RALYL: variants seen among roughly 807,000 people sequenced by gnomAD.
The protein encoded by RALYL is RALY RNA binding protein like.
Under a neutral mutation model 35.1 loss-of-function variants are expected in RALYL, and 29 were observed. The ratio of observed to expected loss-of-function variants is 0.83; its 90% confidence interval spans 0.61 to 1.13. RALYL has a LOEUF of 1.13. Among genes scored for constraint, RALYL ranks in the 50% most tolerant of loss-of-function variants. The pLI, the probability that RALYL is intolerant of heterozygous loss-of-function variation, is 0.00. For synonymous variants in RALYL, 120 were observed against 127.6 expected (o/e 0.94, Z 0.40); for missense variants, 359 against 360.4 (o/e 1.00, Z 0.03).
chr8:84,501,955 G>C (rs1587821525), intron 1 of RALYL, among the ~76,000 whole-genome samples: 2 of 151,572 alleles, frequency 1.3e-5, no homozygotes, highest in Admixed American at 6.6e-5. Context: ...TTAGACCATT[G>C]AAAATATAGT....
At chr8:84,863,663 A>T (rs1297078564) in intron 6 of RALYL, among the ~76,000 whole-genome samples, 3 of 152,194 alleles carry the variant, frequency 2.0e-5, no homozygotes, top group Non-Finnish European at 4.4e-5. Flanking sequence ...CTATACTGAG[A>T]TAGAATCACT....
chr8:84,727,192 G>A (rs1845124026), intron 2 of RALYL, among the ~76,000 whole-genome samples: 1 of 151,928 alleles, frequency 6.6e-6, no homozygotes, highest in Admixed American at 6.6e-5. Flanking sequence ...TTAGAAGCGT[G>A]ACATTCATGC....
intron 1 of RALYL, among the ~76,000 whole-genome samples, chr8:84,219,890 T>A (rs527273643): frequency 6.6e-6 from 1 of 150,622 alleles, no homozygotes; most frequent in East Asian, 1.9e-4. Flanking sequence ...TAGTTAGAAA[T>A]GAATCAATAA....
chr8:84,499,937 G>A (rs1013516283), intron 1 of RALYL, among the ~76,000 whole-genome samples: 1 of 151,942 alleles, frequency 6.6e-6, no homozygotes. Context: ...TCTATTTTTT[G>A]TAGAGCTAGG....
chr8:84,708,055 C>T (rs926692835), intron 2 of RALYL, among the ~76,000 whole-genome samples: 5 of 152,056 alleles, frequency 3.3e-5, no homozygotes, highest in African/African-American at 1.2e-4. Context: ...TTACAATTTT[C>T]TTTAAAAATG....
At chr8:84,600,541 T>G (rs186242994) in intron 2 of RALYL, among the ~76,000 whole-genome samples, 1 of 152,206 alleles carries the variant, frequency 6.6e-6, no homozygotes, top group East Asian at 1.9e-4. Flanking sequence ...GGTTGGTATT[T>G]GAGGCAAAAT....
chr8:84,539,862 ATATATATATATATATGTATATATATG>A (rs2059890117), intron 2 of RALYL, among the ~76,000 whole-genome samples: 8 of 58,614 alleles, frequency 1.4e-4, no homozygotes, highest in African/African-American at 5.3e-4. Context: ...ATGTATATAT[ATATATATATATATATGTATATATATG>A]TGTGTGTGTG....
intron 2 of RALYL, among the ~76,000 whole-genome samples, chr8:84,743,457 T>C (rs1037149267): frequency 2.6e-5 from 4 of 151,976 alleles, no homozygotes; most frequent in Non-Finnish European, 5.9e-5. Context: ...AAAGTGTCTC[T>C]TATGGAGACG....
chr8:84,308,509 T>A (rs763632188), intron 1 of RALYL, among the ~76,000 whole-genome samples: 11 of 152,170 alleles, frequency 7.2e-5, no homozygotes, highest in Admixed American at 4.6e-4. Context: ...ACCACAGATA[T>A]CCAGTCATGC....
chr8:84,604,710 C>T (rs182680686), intron 2 of RALYL, among the ~76,000 whole-genome samples: 316 of 152,204 alleles, frequency 2.1e-3, no homozygotes, highest in African/African-American at 7.2e-3. Context: ...CCTCCCTTAA[C>T]CTCATATCAA....
rs188498510 is a variant in RALYL at position 84,548,140 on chromosome 8, G to A, written c.256+18563G>A. On this transcript the variant is annotated intron_variant, in intron 2 of 8. Transcript: ENST00000521268. Reference sequence around the variant, plus strand: ...TTAACATTTCTTTGCTAACTTCTACGTTTATCACTTTTTCTCAAATCCTTT... The same window carrying A: ...TTAACATTTCTTTGCTAACTTCTACATTTATCACTTTTTCTCAAATCCTTT... Among the ~76,000 whole-genome samples, 31 of 150,632 alleles carry A rather than the reference G, an allele frequency of 2.1e-4. No homozygotes were observed. In the East Asian group the frequency reaches 4.9e-3, roughly 24 times the overall value.
intron 1 of RALYL, among the ~76,000 whole-genome samples, chr8:84,280,685 T>A (rs1422809062): frequency 6.6e-6 from 1 of 151,324 alleles, no homozygotes; most frequent in Non-Finnish European, 1.5e-5. Flanking sequence ...ACATCATAGC[T>A]TAGCTTTGAA....
At chr8:84,837,362 T>C (rs753825168) in intron 4 of RALYL, among the ~76,000 whole-genome samples, 1 of 152,190 alleles carries the variant, frequency 6.6e-6, no homozygotes, top group African/African-American at 2.4e-5. Flanking sequence ...AAGGCTCTAG[T>C]AGTAGTTATT....
chr8:84,491,010 G>A (rs932589061), intron 1 of RALYL, among the ~76,000 whole-genome samples: 6 of 151,834 alleles, frequency 4.0e-5, no homozygotes, highest in African/African-American at 1.5e-4. Context: ...GAAAGTATGA[G>A]GAAGCATTTA....
chr8:84,468,458 G>T (rs2052097080), intron 1 of RALYL, among the ~76,000 whole-genome samples: 1 of 149,840 alleles, frequency 6.7e-6, no homozygotes, highest in Non-Finnish European at 1.5e-5. Context: ...CTTTAAGAAT[G>T]TTGAACATTG....
chr8:84,506,303 C>T (rs147546851), intron 1 of RALYL, among the ~76,000 whole-genome samples: 16 of 152,136 alleles, frequency 1.1e-4, no homozygotes, highest in Middle Eastern at 3.4e-3. Flanking sequence ...TTCATAAAGA[C>T]GCACAGCTTA....
intron 1 of RALYL, among the ~76,000 whole-genome samples, chr8:84,468,152 T>C (rs560129241): frequency 3.7e-4 from 56 of 152,182 alleles, no homozygotes; most frequent in Non-Finnish European, 6.0e-4. Context: ...CATTTAAAGT[T>C]AATATTGTTA....
intron 1 of RALYL, among the ~76,000 whole-genome samples, chr8:84,320,825 G>A (rs931509951): frequency 2.0e-5 from 3 of 151,992 alleles, no homozygotes; most frequent in African/African-American, 7.2e-5. Flanking sequence ...CATGAATCCA[G>A]CCAAGATAGA....
At chr8:84,209,125 CAAAAAAAAAA>C (rs60246316) in intron 1 of RALYL, among the ~76,000 whole-genome samples, 1 of 97,536 alleles carries the variant, frequency 1.0e-5, no homozygotes, top group African/African-American at 3.9e-5. Context: ...ACTCCTCCAC[CAAAAAAAAAA>C]AAAAAAAAAG....
Sources: allele counts gnomAD v4.1 joint callset (sites outside exome capture counted in the v4.1 genomes callset), GRCh38; gene constraint gnomAD v4.1.1; transcripts MANE v1.5; gene names NCBI Gene and HGNC (gene_info 2026-07-23, HGNC 2026-07-21).